Variants in ZBTB7C observed in about 807,000 individuals in gnomAD.
ZBTB7C encodes the protein zinc finger and BTB domain-containing protein 7C.
In ZBTB7C, 8 loss-of-function variants were observed where a neutral mutation model predicts 25.7. The ratio of observed to expected loss-of-function variants is 0.31; its 90% confidence interval spans 0.18 to 0.56. The LOEUF is 0.56. Among genes scored for constraint, ZBTB7C ranks in the 20% least tolerant of loss-of-function variants. ZBTB7C has a pLI of 0.91. For synonymous variants in ZBTB7C, 394 were observed against 369.0 expected (o/e 1.07, Z -0.78); for missense variants, 824 against 855.2 (o/e 0.96, Z 0.46).
chr18:48,404,902 G>T (rs551202346), intron 1 of ZBTB7C, among the ~76,000 whole-genome samples: 24 of 152,184 alleles, frequency 1.6e-4, no homozygotes, highest in Non-Finnish European at 2.9e-4. Context: ...GCTCCAGCAT[G>T]TGAGGGCTGT....
intron 2 of ZBTB7C, among the ~76,000 whole-genome samples, chr18:48,307,677 G>A (rs964088525): frequency 3.9e-5 from 6 of 152,268 alleles, no homozygotes; most frequent in East Asian, 1.9e-4. Flanking sequence ...GTGAAACCCC[G>A]TCTCTAATAA....
At chr18:48,096,513 G>T (rs778561069) in intron 3 of ZBTB7C, among the ~76,000 whole-genome samples, 1 of 152,190 alleles carries the variant, frequency 6.6e-6, no homozygotes, top group Non-Finnish European at 1.5e-5. Context: ...ACCAGGATGT[G>T]ACAACGTTTG....
At chr18:48,391,314 G>GC (rs2047898528) in intron 1 of ZBTB7C, among the ~76,000 whole-genome samples, 1 of 152,204 alleles carries the variant, frequency 6.6e-6, no homozygotes, top group African/African-American at 2.4e-5. Context: ...ACTCCATGAA[G>GC]TTGTCAATGT....
intron 3 of ZBTB7C, among the ~76,000 whole-genome samples, chr18:48,072,971 A>T (rs1240281173): frequency 6.6e-6 from 1 of 152,150 alleles, no homozygotes; most frequent in Non-Finnish European, 1.5e-5. Flanking sequence ...CCTTAGGATG[A>T]CCTGAAAGGG....
intron 3 of ZBTB7C, among the ~76,000 whole-genome samples, chr18:48,087,410 T>C (rs2038231012): frequency 2.0e-5 from 3 of 152,228 alleles, no homozygotes; most frequent in Admixed American, 1.3e-4. Flanking sequence ...AGCTATGTTC[T>C]TATGCTCATT....
chr18:48,296,619 G>A (rs2045398673), intron 2 of ZBTB7C, among the ~76,000 whole-genome samples: 2 of 152,114 alleles, frequency 1.3e-5, no homozygotes, highest in South Asian at 4.1e-4. Context: ...CCCACAGCAC[G>A]TTCCCGAGTC....
intron 3 of ZBTB7C, among the ~76,000 whole-genome samples, chr18:48,064,503 G>A (rs1294464717): frequency 6.6e-6 from 1 of 152,248 alleles, no homozygotes; most frequent in Non-Finnish European, 1.5e-5. Flanking sequence ...AGCACTTTGG[G>A]AGGCCGAGGC....
chr18:48,373,939 C>A (rs372138807), intron 1 of ZBTB7C, among the ~76,000 whole-genome samples: 2 of 146,312 alleles, frequency 1.4e-5, no homozygotes, highest in Non-Finnish European at 3.0e-5. Context: ...CCAGCCTGGG[C>A]AACAGAGCAA....
intron 2 of ZBTB7C, among the ~76,000 whole-genome samples, chr18:48,192,952 A>G (rs1422260244): frequency 1.3e-5 from 2 of 149,586 alleles, no homozygotes; most frequent in Admixed American, 6.6e-5. Flanking sequence ...TCTAAATAAT[A>G]AAGTTTCTTA....
At chr18:48,222,810 A>G (rs1289446293) in intron 2 of ZBTB7C, among the ~76,000 whole-genome samples, 1 of 152,040 alleles carries the variant, frequency 6.6e-6, no homozygotes, top group Admixed American at 6.5e-5. Flanking sequence ...TCATCACTCC[A>G]CCAGACCTGC....
At chr18:48,283,140 T>A (rs968401617) in intron 2 of ZBTB7C, among the ~76,000 whole-genome samples, 4 of 152,198 alleles carry the variant, frequency 2.6e-5, no homozygotes, top group Admixed American at 6.5e-5. Flanking sequence ...ATCAAAACCT[T>A]AAAAAATTTC....
chr18:48,076,004 C>T (rs1455282368), intron 3 of ZBTB7C, among the ~76,000 whole-genome samples: 2 of 152,276 alleles, frequency 1.3e-5, no homozygotes, highest in African/African-American at 2.4e-5. Flanking sequence ...TCACTCCACC[C>T]TCCCTTAACT....
intron 3 of ZBTB7C, among the ~76,000 whole-genome samples, chr18:48,084,829 G>A (rs2038133068): frequency 6.6e-6 from 1 of 152,116 alleles, no homozygotes; most frequent in Non-Finnish European, 1.5e-5. Flanking sequence ...GCTTGTATGG[G>A]GTATGGTATC....
chr18:48,270,196 A>G (rs1235384750), intron 2 of ZBTB7C, among the ~76,000 whole-genome samples: 1 of 151,850 alleles, frequency 6.6e-6, no homozygotes, highest in Non-Finnish European at 1.5e-5. Context: ...GAGAGTATAC[A>G]TCAATGAAAG....
intron 1 of ZBTB7C, among the ~76,000 whole-genome samples, chr18:48,338,914 G>C (rs1028025323): frequency 2.5e-4 from 38 of 151,200 alleles, no homozygotes; most frequent in South Asian, 6.3e-4. Context: ...AGTTTGTTGG[G>C]GGGGGGGGGT....
In ZBTB7C at chr18:48,367,192, TATATATATATAC is replaced by T. The variant is rs1388099291; in HGVS notation, c.-303-28806_-303-28795del. 2.7e-3 allele frequency among the ~76,000 whole-genome samples: 145 copies of T among 53,514 alleles called. 3 individuals carry two copies. The highest frequency in any genetic ancestry group is 0.021 in the Middle Eastern group (2 of 94). 35.1% of individuals were successfully genotyped at this position (53,514 alleles called of 152,430 possible). A position where few individuals can be genotyped will look rare whatever the true frequency, so the allele number is the denominator to read the frequency against. ...CCCAAGTTTTATATATATATATATA[TATATATATATAC>T]ACACACACACACACACACACACACA... On this transcript the variant is annotated intron_variant, in intron 1 of 4. Coordinates refer to ENST00000590800, the MANE Select transcript of ZBTB7C (RefSeq NM_001318841.2).
At chr18:48,347,290 C>T (rs577089245) in intron 1 of ZBTB7C, among the ~76,000 whole-genome samples, 2 of 138,894 alleles carry the variant, frequency 1.4e-5, no homozygotes, top group African/African-American at 5.3e-5. Context: ...CTCAAGTGAT[C>T]GGCCTCCCAA....
At chr18:48,298,136 C>T (rs987338460) in intron 2 of ZBTB7C, among the ~76,000 whole-genome samples, 3 of 152,016 alleles carry the variant, frequency 2.0e-5, no homozygotes, top group African/African-American at 7.3e-5. Context: ...AAAAATTAGC[C>T]AGACATGGTG....
chr18:48,207,615 A>G (rs528649783), intron 2 of ZBTB7C, among the ~76,000 whole-genome samples: 6 of 135,174 alleles, frequency 4.4e-5, no homozygotes, highest in East Asian at 1.9e-4. Flanking sequence ...CTATCTATCT[A>G]TCCATCTAAA....
Sources: allele counts gnomAD v4.1 joint callset (sites outside exome capture counted in the v4.1 genomes callset), GRCh38; gene constraint gnomAD v4.1.1; transcripts MANE v1.5; gene names NCBI Gene and HGNC (gene_info 2026-07-23, HGNC 2026-07-21).